PRH1: variants seen among roughly 807,000 people sequenced by gnomAD.
PRH1 encodes salivary acidic proline-rich phosphoprotein 1/2.
Under a neutral mutation model 7.9 loss-of-function variants are expected in PRH1, and 7 were observed. That is an observed-to-expected ratio of 0.89 (90% CI 0.50 to 1.67). The LOEUF (loss-of-function observed/expected upper bound fraction) is 1.67, where lower values mean the gene tolerates loss of function less well. Ranked by LOEUF, PRH1 falls within the 40% of genes most tolerant of loss-of-function variation. The pLI is 0.00. For missense variants in PRH1, 109 were observed against 223.6 expected (o/e 0.49, Z 3.27); for synonymous variants, 45 against 80.8 (o/e 0.56, Z 2.38).
intron 1 of PRH1, among the ~76,000 whole-genome samples, chr12:11,170,984 T>C (rs1947818440): frequency 6.6e-6 from 1 of 152,246 alleles, no homozygotes; most frequent in Non-Finnish European, 1.5e-5. Context: ...AAAGTTTTAA[T>C]CTAGCTTTGG....
At chr12:10,950,040 T>C (rs143430568) in intron 2 of PRH1, among the ~76,000 whole-genome samples, 76 of 152,306 alleles carry the variant, frequency 5.0e-4, no homozygotes, top group African/African-American at 1.8e-3. Context: ...TAGCTCAAAT[T>C]TGTTCATTTT....
chr12:11,127,902 C>T (rs921148626), intron 1 of PRH1, among the ~76,000 whole-genome samples: 15 of 150,986 alleles, frequency 9.9e-5, no homozygotes, highest in African/African-American at 1.7e-4. Flanking sequence ...GTCAGGAGAT[C>T]GAGACCATCC....
Position 10,942,399 on chromosome 12 carries a change from G to C in PRH1, c.-59+31256C>G, listed in dbSNP as rs182741928. 3.8e-3 allele frequency among the ~76,000 whole-genome samples: 577 copies of C among 152,228 alleles called. 3 individuals are homozygous for C. Among genetic ancestry groups the C allele is most frequent in the South Asian group, 0.014 (66 of 4,826 alleles). ...CACTCTCTCCTGCTGTGGCTGCTAG[G>C]GGGGATGGGGCTGAGGTTTCCAGGT... is the stretch of plus-strand genomic sequence containing the variant. On this transcript the variant is annotated intron_variant, in intron 2 of 3. Transcript: ENST00000539853.
chr12:11,018,243 C>T (rs1426070261), intron 1 of PRH1, among the ~76,000 whole-genome samples: 1 of 152,160 alleles, frequency 6.6e-6, no homozygotes, highest in Non-Finnish European at 1.5e-5. Context: ...GAGGATTATC[C>T]GCTGTCTGAA....
chr12:11,134,407 C>A, intron 1 of PRH1: 4 of 880,998 alleles, frequency 4.5e-6, no homozygotes, highest in Non-Finnish European at 6.7e-6. Context: ...TCAGAAATCA[C>A]CATGGCATGC....
intron 2 of PRH1, among the ~76,000 whole-genome samples, chr12:10,956,485 G>T (rs1267853097): frequency 6.6e-6 from 1 of 152,026 alleles, no homozygotes; most frequent in East Asian, 1.9e-4. Flanking sequence ...GGCAAAACTG[G>T]AAGCATTACC....
At chr12:10,899,802 A>G (rs892640469) in intron 2 of PRH1, among the ~76,000 whole-genome samples, 4 of 152,210 alleles carry the variant, frequency 2.6e-5, no homozygotes, top group Non-Finnish European at 4.4e-5. Context: ...GAGGAATAAT[A>G]TTTATAAAAT....
intron 2 of PRH1, among the ~76,000 whole-genome samples, chr12:10,958,947 G>T (rs535584140): frequency 6.6e-5 from 10 of 152,270 alleles, no homozygotes; most frequent in African/African-American, 2.4e-4. Context: ...GTTCTCTCTG[G>T]CTGCCACCTT....
intron 1 of PRH1, among the ~76,000 whole-genome samples, chr12:11,148,871 C>T (rs1208962347): frequency 7.4e-6 from 1 of 135,282 alleles, no homozygotes; most frequent in African/African-American, 2.7e-5. Context: ...GTACCAGTTC[C>T]TCCTTGTACC....
At chr12:11,164,022 T>TA (rs571727385) in intron 1 of PRH1, among the ~76,000 whole-genome samples, 143 of 152,306 alleles carry the variant, frequency 9.4e-4, no homozygotes, top group African/African-American at 3.2e-3. Context: ...AATATACTCC[T>TA]AGGAATCACC....
intron 1 of PRH1, among the ~76,000 whole-genome samples, chr12:11,111,961 T>C (rs1945601629): frequency 1.3e-5 from 2 of 151,752 alleles, no homozygotes; most frequent in Admixed American, 1.3e-4. Flanking sequence ...TAAAAAATAA[T>C]AAAGGAGATA....
intron 1 of PRH1, chr12:11,061,321 C>A (rs760811935): frequency 6.4e-7 from 1 of 1,566,928 alleles, no homozygotes; most frequent in Non-Finnish European, 8.6e-7. Flanking sequence ...TCATATAACA[C>A]GTTTGTTTTC....
chr12:10,921,221 G>T (rs528520589), intron 2 of PRH1, among the ~76,000 whole-genome samples: 6 of 151,802 alleles, frequency 4.0e-5, no homozygotes, highest in African/African-American at 2.4e-5. Flanking sequence ...AAACATTTAG[G>T]TTCACTGAAG....
chr12:11,121,950 A>T (rs1945920183), intron 1 of PRH1, among the ~76,000 whole-genome samples: 1 of 152,226 alleles, frequency 6.6e-6, no homozygotes, highest in African/African-American at 2.4e-5. Flanking sequence ...TATGTTCTTA[A>T]TTATAAATAG....
chr12:11,159,907 G>C (rs539365893), intron 1 of PRH1, among the ~76,000 whole-genome samples: 6 of 152,262 alleles, frequency 3.9e-5, no homozygotes, highest in African/African-American at 1.4e-4. Flanking sequence ...ATTGTTAAGA[G>C]ATACAAAGCT....
chr12:10,991,972 G>T (rs1433515237), intron 1 of PRH1, among the ~76,000 whole-genome samples: 1 of 152,174 alleles, frequency 6.6e-6, no homozygotes, highest in Non-Finnish European at 1.5e-5. Flanking sequence ...TCATTTAAAT[G>T]GGTTGATGGA....
At chr12:10,950,431 CTT>C (rs1372382925) in intron 2 of PRH1, among the ~76,000 whole-genome samples, 3 of 151,900 alleles carry the variant, frequency 2.0e-5, no homozygotes, top group East Asian at 1.9e-4. Flanking sequence ...TATTATTAAA[CTT>C]AACATTTTAC....
At chr12:10,943,955 C>T (rs1321456307) in intron 2 of PRH1, among the ~76,000 whole-genome samples, 1 of 152,188 alleles carries the variant, frequency 6.6e-6, no homozygotes, top group East Asian at 1.9e-4. Context: ...CAGTACCATG[C>T]TATATTGGTC....
intron 1 of PRH1, among the ~76,000 whole-genome samples, chr12:11,024,634 T>G (rs1941818839): frequency 6.6e-6 from 1 of 152,292 alleles, no homozygotes; most frequent in South Asian, 2.1e-4. Context: ...ATCTTTTCAC[T>G]TCTCTATATT....
Sources: allele counts gnomAD v4.1 joint callset (sites outside exome capture counted in the v4.1 genomes callset), GRCh38; gene constraint gnomAD v4.1.1; transcripts MANE v1.5; gene names NCBI Gene and HGNC (gene_info 2026-07-23, HGNC 2026-07-21).